Variants in ALMS1 observed in about 807,000 individuals in gnomAD.
The protein encoded by ALMS1 is ALMS1 centrosome and basal body associated protein.
ALMS1 carries 271 observed loss-of-function variants against 352.2 expected under a neutral mutation model. That is an observed-to-expected ratio of 0.77 (90% CI 0.70 to 0.85). The LOEUF (loss-of-function observed/expected upper bound fraction) is 0.85, where lower values mean the gene tolerates loss of function less well. Ranked by LOEUF, ALMS1 falls within the 40% of genes least tolerant of loss-of-function variation. The pLI, the probability that ALMS1 is intolerant of heterozygous loss-of-function variation, is 0.00. For missense variants in ALMS1, 5,445 were observed against 4,870.7 expected, an observed-to-expected ratio of 1.12 and a Z score of -3.51; for synonymous variants, 1,865 against 1,761.2, an observed-to-expected ratio of 1.06 and a Z score of -1.48.
intron 1 of ALMS1, among the ~76,000 whole-genome samples, chr2:73,392,500 T>C (rs1299467454): frequency 6.6e-6 from 1 of 152,210 alleles, no homozygotes; most frequent in Non-Finnish European, 1.5e-5. Flanking sequence ...CCATACACTT[T>C]AGCTGATATC....
intron 9 of ALMS1, among the ~76,000 whole-genome samples, chr2:73,457,647 A>G (rs1672095158): frequency 6.6e-6 from 1 of 152,208 alleles, no homozygotes; most frequent in South Asian, 2.1e-4. Flanking sequence ...TTATTAAAAT[A>G]TCCCTTTCAG....
Position 73,419,238 on chromosome 2 carries a change from C to G in ALMS1, c.566C>G (p.Ser189Cys), listed in dbSNP as rs1414655777. 3 of 1,614,050 alleles carry G rather than the reference C, an allele frequency of 1.9e-6. No homozygotes were observed. The highest frequency in any genetic ancestry group is 4.5e-5 in the East Asian group (2 of 44,860). The change falls in exon 3 of 23, where the codon TCT becomes TGT. Residue 189 changes from serine (S) to cysteine (C), a missense_variant. Physicochemically the swap from Ser to Cys is moderately radical, Grantham distance 112. Transcript: ENST00000613296. The part of the protein sequence containing the change: ...TEDTEVTDFP[S>C]LEEGILTQSE... ...GATACTGAAGTGACAGACTTCCCCTCTCTGGAGGAGGGCATATTGACGCAA... is the reference window on the plus strand; with the variant it reads ...GATACTGAAGTGACAGACTTCCCCTGTCTGGAGGAGGGCATATTGACGCAA...
At chr2:73,411,208 TACAAGG>T (rs1340845793) in intron 2 of ALMS1, among the ~76,000 whole-genome samples, 2 of 151,708 alleles carry the variant, frequency 1.3e-5, no homozygotes, top group African/African-American at 4.8e-5. Flanking sequence ...GAGAAAAACA[TACAAGG>T]AGAAGATGGC....
At chr2:73,403,054 A>AT (rs891550156) in intron 1 of ALMS1, among the ~76,000 whole-genome samples, 14 of 152,108 alleles carry the variant, frequency 9.2e-5, no homozygotes, top group South Asian at 2.1e-4. Flanking sequence ...CTATTTATTT[A>AT]TTTTTGCTTT....
intron 12 of ALMS1, among the ~76,000 whole-genome samples, chr2:73,537,198 G>GGTGT (rs1174722725): frequency 3.9e-5 from 6 of 152,172 alleles, no homozygotes; most frequent in African/African-American, 1.2e-4. Context: ...TAATGGCTGA[G>GGTGT]GTGTGGACTA....
intron 2 of ALMS1, among the ~76,000 whole-genome samples, chr2:73,414,112 A>G (rs2421548): frequency 0.57 from 86,641 of 152,000 alleles, 26,037 homozygotes; most frequent in East Asian, 0.77. Flanking sequence ...TCAATTTGAA[A>G]ATAATTTTGA....
chr2:73,458,258 A>AT (rs1008682457), intron 9 of ALMS1: 3 of 151,934 alleles, frequency 2.0e-5, no homozygotes, highest in African/African-American at 4.8e-5. Context: ...TGGACCTTTT[A>AT]TTTTTTTAAC....
intron 16 of ALMS1, among the ~76,000 whole-genome samples, chr2:73,575,485 T>A (rs1162050135): frequency 6.6e-6 from 1 of 152,234 alleles, no homozygotes; most frequent in Non-Finnish European, 1.5e-5. Flanking sequence ...CAACACTTAT[T>A]TTCCATTTTT....
intron 12 of ALMS1, among the ~76,000 whole-genome samples, chr2:73,535,414 T>C (rs1204670450): frequency 6.6e-6 from 1 of 152,214 alleles, no homozygotes; most frequent in Non-Finnish European, 1.5e-5. Context: ...ATAACAATGA[T>C]GACTTACTAA....
chr2:73,489,548 G>GGTATAAAACTGATTT, intron 9 of ALMS1, 86 bp from the exon 10 acceptor site: 2 of 1,458,738 alleles, frequency 1.4e-6, no homozygotes, highest in Non-Finnish European at 9.6e-7. Context: ...TCTTAGCGTG[G>GGTATAAAACTGATTT]GTATAAAACT....
chr2:73,490,896 A>G lies in ALMS1; in HGVS notation c.8937A>G (p.Gln2979=). 1 of 1,613,846 alleles carries G rather than the reference A, an allele frequency of 6.2e-7. No individual in the cohort carries two copies. The highest frequency in any genetic ancestry group is 1.1e-5 in the South Asian group (1 of 91,064). The change falls in exon 10 of 23, where the codon CAA becomes CAG. Residue 2979 remains glutamine (Q), a synonymous_variant. Coordinates refer to ENST00000613296, the MANE Select transcript of ALMS1 (RefSeq NM_001378454.1). ...CQSKAPGVDD[Q]MNKHHFPLPQ... is the part of the protein sequence containing the mutation. ...GCAAAGCGCCAGGTGTAGATGACCA[A>G]ATGAATAAACACCATTTTCCCCTTC... is the stretch of plus-strand genomic sequence containing the variant.
At chr2:73,421,570 GTAAA>G (rs891792471) in intron 3 of ALMS1, among the ~76,000 whole-genome samples, 3 of 152,236 alleles carry the variant, frequency 2.0e-5, no homozygotes, top group South Asian at 2.1e-4. Context: ...AATTCATTCA[GTAAA>G]TAAATAACTC....
intron 11 of ALMS1, among the ~76,000 whole-genome samples, chr2:73,524,501 G>T (rs898285648): frequency 1.1e-4 from 16 of 152,032 alleles, no homozygotes; most frequent in Non-Finnish European, 2.9e-5. Flanking sequence ...TGTCACCCAG[G>T]CTGGAGTACA....
intron 10 of ALMS1, among the ~76,000 whole-genome samples, chr2:73,497,351 A>T (rs930662006): frequency 6.6e-6 from 1 of 151,838 alleles, no homozygotes; most frequent in Admixed American, 6.6e-5. Flanking sequence ...GGTTACATGG[A>T]TAAGTTCTTT....
intron 10 of ALMS1, among the ~76,000 whole-genome samples, chr2:73,505,441 G>A (rs1268812016): frequency 1.3e-5 from 2 of 152,152 alleles, no homozygotes; most frequent in African/African-American, 4.8e-5. Flanking sequence ...GTATCTCAGT[G>A]TGGTTTTGAT....
chr2:73,452,971 A>G lies in ALMS1; in HGVS notation c.6444A>G (p.Pro2148=), dbSNP rs1220162012. Residue 2148 remains proline (P), a synonymous_variant, in exon 8 of 23, where the codon CCA becomes CCG. Coordinates refer to ENST00000613296, the MANE Select transcript of ALMS1 (RefSeq NM_001378454.1). ...LPSSFSHREK[P]DIFYQKDLPD... ...GTTCCTTTTCACATCGAGAGAAACC[A>G]GATATTTTCTATCAAAAGGATTTGC... The G allele has an allele frequency of 5.0e-6, 8 of 1,612,310 alleles. No homozygotes were observed. The highest frequency in any genetic ancestry group is 6.8e-6 in the Non-Finnish European group (8 of 1,179,192).
At chr2:73,508,163 C>CTTTCT (rs1210920969) in intron 10 of ALMS1, among the ~76,000 whole-genome samples, 17 of 127,184 alleles carry the variant, frequency 1.3e-4, no homozygotes, top group South Asian at 4.8e-4. Context: ...CTTTCCTTTC[C>CTTTCT]TTTCTTTTCT....
intron 7 of ALMS1, among the ~76,000 whole-genome samples, chr2:73,432,606 A>G (rs12713782): frequency 0.96 from 146,080 of 152,194 alleles, 70,156 homozygotes; most frequent in East Asian, 1. Flanking sequence ...GTGCCCTCCC[A>G]TGGTGGAAGG....
Position 73,608,577 on chromosome 2 carries a change from C to A in ALMS1, c.12462+3C>A. 6.2e-7 allele frequency: 1 copy of A among 1,609,018 alleles called. No individual in the cohort carries two copies. The highest frequency in any genetic ancestry group is 1.1e-5 in the South Asian group (1 of 90,892). On this transcript the variant is annotated splice_donor_region_variant and intron_variant, in intron 22 of 22. Coordinates refer to ENST00000613296, the MANE Select transcript of ALMS1 (RefSeq NM_001378454.1). Reference sequence around the variant, plus strand: ...TGCGAGCCCAGCTATATAAAAAGGTCAGTGGGTCCTCTGTCTAGAGTGGGA... The same window carrying A: ...TGCGAGCCCAGCTATATAAAAAGGTAAGTGGGTCCTCTGTCTAGAGTGGGA...
Sources: gnomAD v4.1 joint callset for allele counts (sites outside exome capture counted in the v4.1 genomes callset) on GRCh38, gnomAD v4.1.1 for gene constraint, MANE v1.5 for transcripts, NCBI Gene and HGNC (gene_info 2026-07-23, HGNC 2026-07-21) for gene names.